PPP2R2B: variants seen among roughly 807,000 people sequenced by gnomAD.
PPP2R2B encodes protein phosphatase 2 regulatory subunit Bbeta, also known as serine/threonine-protein phosphatase 2A 55 kDa regulatory subunit B beta isoform.
In PPP2R2B, 5 loss-of-function variants were observed where a neutral mutation model predicts 46.0. The ratio of observed to expected loss-of-function variants is 0.11; its 90% CI spans 0.06 to 0.23. The LOEUF is 0.23. Ranked by LOEUF, PPP2R2B falls within the 10% of genes least tolerant of loss-of-function variation. PPP2R2B has a pLI of 1.00. For synonymous variants in PPP2R2B, 215 were observed against 206.7 expected (o/e 1.04, Z -0.34); for missense variants, 367 against 575.0 (o/e 0.64, Z 3.70).
intron 1 of PPP2R2B, among the ~76,000 whole-genome samples, chr5:146,922,815 G>C (rs74723097): frequency 4.9e-4 from 75 of 152,228 alleles, no homozygotes; most frequent in African/African-American, 1.8e-3. Flanking sequence ...GTTCAGGCCA[G>C]TGAGAAACAA....
chr5:146,951,368 G>C (rs927115186), intron 1 of PPP2R2B, among the ~76,000 whole-genome samples: 2 of 150,874 alleles, frequency 1.3e-5, no homozygotes, highest in Admixed American at 1.3e-4. Context: ...TAAAAATTAA[G>C]TTCCAGTGTA....
chr5:146,833,489 G>T (rs995368199), intron 2 of PPP2R2B, among the ~76,000 whole-genome samples: 2 of 152,072 alleles, frequency 1.3e-5, no homozygotes, highest in Admixed American at 6.6e-5. Flanking sequence ...TTCAACACTG[G>T]CAATGAAAAC....
intron 1 of PPP2R2B, among the ~76,000 whole-genome samples, chr5:146,983,262 G>A (rs914699212): frequency 3.0e-5 from 4 of 131,652 alleles, no homozygotes; most frequent in Admixed American, 9.5e-5. Flanking sequence ...CTCACTGCAA[G>A]CTCCACCTCC....
At chr5:146,693,995 C>A (rs1340881530) in intron 4 of PPP2R2B, among the ~76,000 whole-genome samples, 2 of 152,156 alleles carry the variant, frequency 1.3e-5, no homozygotes, top group African/African-American at 4.8e-5. Flanking sequence ...CCTCACCTGA[C>A]TTTTTGCCAC....
At chr5:147,063,075 AGGAAG>A (rs201627842) in intron 2 of PPP2R2B, among the ~76,000 whole-genome samples, 5,453 of 149,958 alleles carry the variant, frequency 0.036, 156 homozygotes, top group African/African-American at 0.073. Flanking sequence ...GAGAAGGGAA[AGGAAG>A]GGAAGGGAAG....
intron 2 of PPP2R2B, among the ~76,000 whole-genome samples, chr5:146,789,154 C>T (rs910332672): frequency 6.6e-5 from 10 of 152,094 alleles, no homozygotes; most frequent in Admixed American, 2.0e-4. Context: ...GGGTGGAATC[C>T]GAGGGCAACA....
chr5:146,963,918 C>T (rs369444491), intron 1 of PPP2R2B, among the ~76,000 whole-genome samples: 2 of 152,178 alleles, frequency 1.3e-5, no homozygotes, highest in South Asian at 2.1e-4. Flanking sequence ...AACAGCTTGA[C>T]CTTTCAGGTC....
At chr5:146,602,639 T>C (rs1254502338) in intron 7 of PPP2R2B, among the ~76,000 whole-genome samples, 1 of 152,204 alleles carries the variant, frequency 6.6e-6, no homozygotes, top group East Asian at 1.9e-4. Flanking sequence ...AACCCAAGTA[T>C]ATAATTAAGT....
In PPP2R2B at chr5:146,636,757, C is replaced by T. The variant is rs138624446; in HGVS notation, c.790+1494G>A. ...TGGAATCTGATCTTCAAGGATCAAC[C>T]TGATATGAACCATCATTGCTATTTA... On this transcript the variant is annotated intron_variant, in intron 7 of 9. Transcript: ENST00000394411. Among the ~76,000 whole-genome samples, 707 of 152,362 alleles carry T rather than the reference C, an allele frequency of 4.6e-3. 3 individuals are homozygous for T. Among genetic ancestry groups the T allele is most frequent in the Middle Eastern group, 0.041 (12 of 294 alleles).
intron 2 of PPP2R2B, among the ~76,000 whole-genome samples, chr5:146,789,181 C>T (rs1168131314): frequency 6.6e-6 from 1 of 151,896 alleles, no homozygotes; most frequent in Admixed American, 6.6e-5. Context: ...TGTGTCTTGA[C>T]AAAAGAGTAG....
Position 146,878,699 on chromosome 5 carries a change from A to T in PPP2R2B, c.-233T>A. On this transcript the variant is annotated 5_prime_UTR_variant, in exon 1 of 10. Coordinates refer to ENST00000394411, the MANE Select transcript of PPP2R2B (RefSeq NM_181675.4). The surrounding 1 kb of genome is among the most constrained non-coding windows in gnomAD (Gnocchi z 4.5). ...CGCTGCAGCCGGCGCCAGCGCACTC[A>T]CCCTCACACCCACACGCGCGCACTC... The T allele has an allele frequency of 7.9e-7, 1 of 1,265,456 alleles. No individual in the cohort carries two copies. Among genetic ancestry groups the T allele is most frequent in the Non-Finnish European group, 1.0e-6 (1 of 982,810 alleles). 78.4% of individuals were successfully genotyped at this position (1,265,456 alleles called of 1,614,324 possible). A position where few individuals can be genotyped will look rare whatever the true frequency, so the allele number is the denominator to read the frequency against.
chr5:146,701,258 AT>A, intron 2 of PPP2R2B, 116 bp from the exon 3 acceptor site: 1 of 953,970 alleles, frequency 1.0e-6, no homozygotes, highest in Non-Finnish European at 1.7e-6. Flanking sequence ...CTGCAGTGGA[AT>A]TTACAAGGAT....
chr5:146,907,653 C>T (rs555602881), intron 1 of PPP2R2B, among the ~76,000 whole-genome samples: 1 of 152,356 alleles, frequency 6.6e-6, no homozygotes, highest in South Asian at 2.1e-4. Context: ...TTGGGAGAAA[C>T]CCCCTTTTCC....
rs114265792 is a variant in PPP2R2B at position 146,776,658 on chromosome 5, C to A, written c.71-75516G>T. Reference sequence around the variant, plus strand: ...AAAAATATATAAAATTGGACTTCACCGAAATAAAAATTTCTGTATATCAAA... The same window carrying A: ...AAAAATATATAAAATTGGACTTCACAGAAATAAAAATTTCTGTATATCAAA... On this transcript the variant is annotated intron_variant, in intron 2 of 9. Transcript: ENST00000394411. Among the ~76,000 whole-genome samples the A allele has an allele frequency of 2.6e-5, 4 of 151,728 alleles. No homozygotes were observed. The East Asian group carries it at 7.7e-4, about 29-fold the overall frequency.
chr5:146,914,904 T>A (rs1373428048), intron 1 of PPP2R2B, among the ~76,000 whole-genome samples: 1 of 152,166 alleles, frequency 6.6e-6, no homozygotes, highest in Non-Finnish European at 1.5e-5. Context: ...CTACTAGTCC[T>A]CCACTTTCAG....
At chr5:146,764,223 G>C (rs548873648) in intron 2 of PPP2R2B, among the ~76,000 whole-genome samples, 2 of 152,110 alleles carry the variant, frequency 1.3e-5, no homozygotes, top group Non-Finnish European at 2.9e-5. Context: ...CCTGAGTCTG[G>C]AGGGGGGTGG....
At chr5:146,984,093 A>G (rs1260687738) in intron 1 of PPP2R2B, among the ~76,000 whole-genome samples, 2 of 152,226 alleles carry the variant, frequency 1.3e-5, no homozygotes, top group African/African-American at 4.8e-5. Flanking sequence ...CATAATGAGG[A>G]CATTTGAAAT....
upstream of PPP2R2B, chr5:147,081,437 TTACGAAGGACTTGCAGTCA>T (rs139422846): frequency 5.2e-3 from 3,856 of 746,952 alleles, 94 homozygotes; most frequent in East Asian, 0.059. Context: ...CCTGGAGTGG[TTACGAAGGACTTGCAGTCA>T]TCCCCTGTGT....
intron 1 of PPP2R2B, among the ~76,000 whole-genome samples, chr5:146,940,579 A>C (rs1764292258): frequency 6.6e-6 from 1 of 151,952 alleles, no homozygotes; most frequent in African/African-American, 2.4e-5. Flanking sequence ...AGTGACACAT[A>C]TTTAATGAGC....
Sources: allele counts gnomAD v4.1 joint callset (sites outside exome capture counted in the v4.1 genomes callset), GRCh38; gene constraint gnomAD v4.1.1; non-coding constraint Gnocchi (gnomAD v3.1); transcripts MANE v1.5; gene names NCBI Gene and HGNC (gene_info 2026-07-23, HGNC 2026-07-21).